Variants in EYS observed in about 807,000 individuals in gnomAD.
EYS encodes EGF-like photoreceptor maintenance factor, also known as protein eyes shut homolog.
Under a neutral mutation model 282.1 loss-of-function variants are expected in EYS, and 250 were observed. That is an observed-to-expected ratio of 0.89 (90% CI 0.80 to 0.98). EYS has a LOEUF of 0.98. EYS is among the 50% of genes least tolerant of loss of function. The pLI is 0.00. For missense variants in EYS, 4,016 were observed against 3,709.0 expected (o/e 1.08, Z -2.15); for synonymous variants, 1,355 against 1,282.9 (o/e 1.06, Z -1.20).
At chr6:65,407,161 T>C (rs1346936250) in intron 5 of EYS, among the ~76,000 whole-genome samples, 1 of 152,226 alleles carries the variant, frequency 6.6e-6, no homozygotes, top group East Asian at 1.9e-4. Flanking sequence ...AGCTTTATGT[T>C]AAAGTCTTGC....
intron 26 of EYS, among the ~76,000 whole-genome samples, chr6:64,559,255 ATGTGTGTGTGTGTGCATGTGTGTGTG>A (rs1765325259): frequency 7.6e-6 from 1 of 132,116 alleles, no homozygotes; most frequent in African/African-American, 2.8e-5. Context: ...CCTTCTTTGT[ATGTGTGTGTGTGTGCATGTGTGTGTG>A]TGTGTGTGTG....
intron 18 of EYS, among the ~76,000 whole-genome samples, chr6:64,889,891 A>G (rs1456776335): frequency 1.3e-5 from 2 of 152,078 alleles, no homozygotes; most frequent in Non-Finnish European, 2.9e-5. Flanking sequence ...TAAGAGAGAT[A>G]ACCTTAAACT....
At chr6:65,200,892 CTG>C (rs1382765678) in intron 12 of EYS, among the ~76,000 whole-genome samples, 1 of 151,870 alleles carries the variant, frequency 6.6e-6, no homozygotes, top group African/African-American at 2.4e-5. Context: ...AGAAGAAAAA[CTG>C]TAATTCATTT....
intron 11 of EYS, chr6:65,330,045 C>T: frequency 1.0e-6 from 1 of 984,300 alleles, no homozygotes; most frequent in Non-Finnish European, 1.2e-6. Context: ...CCAGAAGACA[C>T]ACTGCTATAA....
intron 11 of EYS, chr6:65,329,597 C>T: frequency 1.0e-6 from 1 of 979,980 alleles, no homozygotes; most frequent in South Asian, 4.7e-5. Flanking sequence ...TAAAAATATA[C>T]CCACATAAAA....
At chr6:65,188,135 C>T (rs1765556787) in intron 12 of EYS, among the ~76,000 whole-genome samples, 1 of 151,524 alleles carries the variant, frequency 6.6e-6, no homozygotes, top group Non-Finnish European at 1.5e-5. Flanking sequence ...TCATATCAAT[C>T]TTATTAGAAA....
At chr6:64,237,205 C>T (rs1012823018) in intron 30 of EYS, among the ~76,000 whole-genome samples, 1 of 152,102 alleles carries the variant, frequency 6.6e-6, no homozygotes, top group African/African-American at 2.4e-5. Context: ...GTGTCATATG[C>T]AGAATAATTC....
intron 12 of EYS, among the ~76,000 whole-genome samples, chr6:65,172,716 A>C (rs1765134145): frequency 6.6e-6 from 1 of 151,380 alleles, no homozygotes; most frequent in Admixed American, 6.6e-5. Flanking sequence ...GGTCCTTGCA[A>C]ACTTGTTTAG....
chr6:63,970,953 T>C (rs1468729090), intron 35 of EYS, among the ~76,000 whole-genome samples: 1 of 152,190 alleles, frequency 6.6e-6, no homozygotes, highest in Non-Finnish European at 1.5e-5. Flanking sequence ...AATAGTAAGA[T>C]GCCAACAGTA....
chr6:64,681,315 TGGTC>T (rs1311220412), intron 22 of EYS, among the ~76,000 whole-genome samples: 1 of 152,176 alleles, frequency 6.6e-6, no homozygotes, highest in Non-Finnish European at 1.5e-5. Context: ...GGGTAATTTC[TGGTC>T]CCCCGTGCCC....
chr6:65,265,494 G>A (rs1767729611), intron 12 of EYS, among the ~76,000 whole-genome samples: 1 of 152,062 alleles, frequency 6.6e-6, no homozygotes, highest in African/African-American at 2.4e-5. Context: ...CCTGGAACAT[G>A]TGAATATGTC....
chr6:63,784,706 C>T (rs190835048), intron 39 of EYS, among the ~76,000 whole-genome samples: 2 of 152,006 alleles, frequency 1.3e-5, no homozygotes, highest in East Asian at 3.9e-4. Flanking sequence ...CCAAACACCT[C>T]CCACTTGGCC....
chr6:65,549,973 G>T (rs1308959910), intron 2 of EYS, among the ~76,000 whole-genome samples: 1 of 142,976 alleles, frequency 7.0e-6, no homozygotes, highest in African/African-American at 2.6e-5. Flanking sequence ...GTCTCAGGGA[G>T]GGGCAAGGTG....
chr6:63,843,286 C>G (rs776439284), intron 36 of EYS, among the ~76,000 whole-genome samples: 1 of 152,096 alleles, frequency 6.6e-6, no homozygotes, highest in Non-Finnish European at 1.5e-5. Context: ...TTTCCTTGAG[C>G]AGTAGTTTGT....
intron 14 of EYS, among the ~76,000 whole-genome samples, chr6:64,987,952 AAATAT>A (rs1770917557): frequency 6.6e-6 from 1 of 151,484 alleles, no homozygotes; most frequent in Admixed American, 6.6e-5. Flanking sequence ...TTATTGTATT[AAATAT>A]ATTATGTTTA....
chr6:65,519,597 A>G (rs1767272392), intron 2 of EYS, among the ~76,000 whole-genome samples: 1 of 145,956 alleles, frequency 6.9e-6, no homozygotes, highest in African/African-American at 2.5e-5. Flanking sequence ...GAAATATCAC[A>G]GTTAATTTTT....
chr6:64,531,332 C>T (rs190231131), intron 26 of EYS, among the ~76,000 whole-genome samples: 8 of 151,314 alleles, frequency 5.3e-5, no homozygotes, highest in South Asian at 2.1e-4. Flanking sequence ...TTTTGTAGTA[C>T]GCCTGGGATA....
At chr6:63,922,329 G>A (rs979781570) in intron 35 of EYS, among the ~76,000 whole-genome samples, 14 of 152,292 alleles carry the variant, frequency 9.2e-5, no homozygotes, top group Admixed American at 2.6e-4. Context: ...TTGGGAGGCC[G>A]AAGCAGGCAG....
At chr6:64,784,767 T>C (rs1562190270) in intron 22 of EYS, among the ~76,000 whole-genome samples, 2 of 152,172 alleles carry the variant, frequency 1.3e-5, no homozygotes, top group Admixed American at 1.3e-4. Context: ...TTCTCGGGTT[T>C]TTTTTCCCCT....
Sources: allele counts gnomAD v4.1 joint callset (sites outside exome capture counted in the v4.1 genomes callset), GRCh38; gene constraint gnomAD v4.1.1; transcripts MANE v1.5; gene names NCBI Gene and HGNC (gene_info 2026-07-23, HGNC 2026-07-21).